The following CDH23 variants were observed in gnomAD, a reference collection of about 807,000 sequenced individuals.
CDH23 encodes the protein cadherin related 23, also known as cadherin-23.
In CDH23, 189 loss-of-function variants were observed where a neutral mutation model predicts 317.1. The observed-to-expected ratio is 0.60, with a 90% CI of 0.53 to 0.67. CDH23 has a LOEUF of 0.67. Among genes scored for constraint, CDH23 ranks in the 30% least tolerant of loss-of-function variants. The pLI is 0.00. For synonymous variants in CDH23, 1,839 were observed against 1,876.8 expected (o/e 0.98, Z 0.52); for missense variants, 4,401 against 4,592.4 (o/e 0.96, Z 1.20).
intron 3 of CDH23, among the ~76,000 whole-genome samples, chr10:71,506,285 A>ATGAAAAT (rs1324554189): frequency 6.6e-6 from 1 of 152,096 alleles, no homozygotes; most frequent in Admixed American, 6.5e-5. Flanking sequence ...TTTGGAAAGG[A>ATGAAAAT]TGAAAATCGT....
chr10:71,707,182 G>A, intron 26 of CDH23, 133 bp downstream of exon 26: 1 of 1,527,166 alleles, frequency 6.5e-7, no homozygotes, highest in Non-Finnish European at 8.8e-7. Flanking sequence ...TTGGGCTTTA[G>A]CCTCTGGTGG....
intron 9 of CDH23, among the ~76,000 whole-genome samples, chr10:71,606,763 G>A (rs979262189): frequency 5.9e-5 from 9 of 152,142 alleles, no homozygotes; most frequent in Non-Finnish European, 1.3e-4. Flanking sequence ...GGAAGGTGGG[G>A]GTAACTGGGG....
intron 6 of CDH23, among the ~76,000 whole-genome samples, chr10:71,552,525 A>G (rs1488234035): frequency 1.3e-5 from 2 of 151,722 alleles, no homozygotes; most frequent in African/African-American, 4.9e-5. Context: ...TGAGGCTCAG[A>G]AAAAAAACAG....
intron 9 of CDH23, among the ~76,000 whole-genome samples, chr10:71,589,699 C>A (rs540726496): frequency 6.6e-6 from 1 of 152,192 alleles, no homozygotes; most frequent in African/African-American, 2.4e-5. Context: ...GGTTGCCACC[C>A]GCAGGGTAGG....
chr10:71,815,332 A>T lies in CDH23; in HGVS notation c.*54A>T. On this transcript the variant is annotated 3_prime_UTR_variant, in exon 70 of 70. Transcript: ENST00000224721. ...CAGCACCCATCCACCGTCCCCTCCCAGGGAGCAAGGGCAGGGACAGGGCCG... is the reference window on the plus strand; with the variant it reads ...CAGCACCCATCCACCGTCCCCTCCCTGGGAGCAAGGGCAGGGACAGGGCCG... 6.8e-7 allele frequency: 1 copy of T among 1,465,834 alleles called. No individual in the cohort carries two copies. The highest frequency in any genetic ancestry group is 2.3e-5 in the Admixed American group (1 of 43,420). 90.8% of individuals were successfully genotyped at this position (1,465,834 alleles called of 1,614,324 possible).
At chr10:71,567,786 T>TAGCTGGAGCCATC (rs1410988981) in intron 7 of CDH23, among the ~76,000 whole-genome samples, 3 of 134,412 alleles carry the variant, frequency 2.2e-5, no homozygotes, top group Non-Finnish European at 1.5e-5. Flanking sequence ...CCTCAGGGCA[T>TAGCTGGAGCCATC]AGCTGGAGCC....
chr10:71,732,133 C>T lies in CDH23; in HGVS notation c.3862C>T (p.Gln1288Ter). 6.2e-7 allele frequency: 1 copy of T among 1,614,022 alleles called. No homozygotes were observed. Among genetic ancestry groups the T allele is most frequent in the South Asian group, 1.1e-5 (1 of 91,082 alleles). ...SYMMNVSATD[Q>*]APPFNQGFCS... ...CATGATGAATGTGTCGGCCACTGAC[C>T]AGGCCCCGCCCTTCAACCAGGGCTT... Residue 1288 changes from glutamine to a stop codon, truncating the protein, a stop_gained, in exon 32 of 70, where the codon CAG becomes TAG. Coordinates refer to ENST00000224721, the MANE Select transcript of CDH23 (RefSeq NM_022124.6). LOFTEE classifies it high-confidence loss of function.
At chr10:71,594,655 A>G (rs1859722310) in intron 9 of CDH23, among the ~76,000 whole-genome samples, 1 of 152,192 alleles carries the variant, frequency 6.6e-6, no homozygotes, top group African/African-American at 2.4e-5. Context: ...GATTACAGGC[A>G]TGAGCCACCG....
intron 1 of CDH23, among the ~76,000 whole-genome samples, chr10:71,398,343 G>C (rs938885281): frequency 3.3e-5 from 5 of 152,016 alleles, no homozygotes; most frequent in Non-Finnish European, 7.4e-5. Flanking sequence ...ACCAGAGCTG[G>C]CATTGACATT....
chr10:71,757,363 C>T (rs1452409819), intron 38 of CDH23, among the ~76,000 whole-genome samples: 2 of 152,200 alleles, frequency 1.3e-5, no homozygotes, highest in Non-Finnish European at 2.9e-5. Context: ...CTTAATTTCA[C>T]TTTGAGAGCC....
intron 8 of CDH23, among the ~76,000 whole-genome samples, chr10:71,576,871 GTCAA>G (rs1215056381): frequency 6.6e-6 from 1 of 152,124 alleles, no homozygotes; most frequent in African/African-American, 2.4e-5. Context: ...TGTTTATTCA[GTCAA>G]TCAATCAACC....
intron 1 of CDH23, among the ~76,000 whole-genome samples, chr10:71,423,563 G>T (rs1299951240): frequency 2.6e-5 from 4 of 152,138 alleles, no homozygotes; most frequent in Non-Finnish European, 5.9e-5. Flanking sequence ...CAGCTCCAGG[G>T]GGGTGATGCA....
At chr10:71,430,845 G>A (rs1346011234) in intron 1 of CDH23, among the ~76,000 whole-genome samples, 1 of 152,128 alleles carries the variant, frequency 6.6e-6, no homozygotes, top group Admixed American at 6.5e-5. Context: ...CACTGGCAGA[G>A]GACTGGTTAA....
At chr10:71,571,012 C>A in intron 8 of CDH23, 94 bp downstream of exon 8, 2 of 1,444,562 alleles carry the variant, frequency 1.4e-6, no homozygotes, top group Non-Finnish European at 9.5e-7. Flanking sequence ...GTGGGCTGGG[C>A]TCCTCCTTGG....
intron 1 of CDH23, among the ~76,000 whole-genome samples, chr10:71,422,099 C>T (rs10509338): frequency 0.32 from 49,252 of 152,058 alleles, 8,362 homozygotes; most frequent in Middle Eastern, 0.46. Flanking sequence ...AATCTCCAAT[C>T]ATGGTGTTTA....
intron 28 of CDH23, chr10:71,714,960 G>A (rs763710024): frequency 1.3e-5 from 2 of 152,256 alleles, no homozygotes; most frequent in African/African-American, 2.4e-5. Flanking sequence ...CCCATCCTGG[G>A]GTGGGACTGC....
At chr10:71,672,666 G>C (rs1019119671) in intron 14 of CDH23, among the ~76,000 whole-genome samples, 1 of 152,186 alleles carries the variant, frequency 6.6e-6, no homozygotes, top group Admixed American at 6.5e-5. Context: ...GGGCAGGGGA[G>C]GCCAAGCCTT....
At chr10:71,626,404 G>A (rs1861737227) in intron 11 of CDH23, among the ~76,000 whole-genome samples, 1 of 152,196 alleles carries the variant, frequency 6.6e-6, no homozygotes, top group Non-Finnish European at 1.5e-5. Flanking sequence ...CAGGGTGGGA[G>A]CAGGGAGGAG....
chr10:71,510,917 C>A, intron 4 of CDH23, 37 bp from the exon 5 acceptor site: 1 of 1,612,778 alleles, frequency 6.2e-7, no homozygotes, highest in East Asian at 2.2e-5. Context: ...CTCAGCACCG[C>A]CTAACTGCCC....
Sources: gnomAD v4.1 joint callset for allele counts (sites outside exome capture counted in the v4.1 genomes callset) on GRCh38, gnomAD v4.1.1 for gene constraint, MANE v1.5 for transcripts, NCBI Gene and HGNC (gene_info 2026-07-23, HGNC 2026-07-21) for gene names.